CRPPA: variants seen among roughly 807,000 people sequenced by gnomAD.
The protein encoded by CRPPA is D-ribitol-5-phosphate cytidylyltransferase.
In CRPPA, 43 loss-of-function variants were observed where a neutral mutation model predicts 52.0. The ratio of observed to expected loss-of-function variants is 0.83; its 90% CI spans 0.65 to 1.07. CRPPA has a LOEUF of 1.07. Among genes scored for constraint, CRPPA ranks in the 50% least tolerant of loss-of-function variants. The pLI is 0.00. For missense variants in CRPPA, 629 were observed against 551.7 expected (o/e 1.14, Z -1.40); for synonymous variants, 250 against 203.5 (o/e 1.23, Z -1.94).
At chr7:16,118,598 A>G (rs1419216025) in intron 9 of CRPPA, among the ~76,000 whole-genome samples, 1 of 152,208 alleles carries the variant, frequency 6.6e-6, no homozygotes, top group Non-Finnish European at 1.5e-5. Flanking sequence ...CTGTGAATCA[A>G]TAAAATGTTG....
At chr7:16,311,778 G>C (rs1761892391) in intron 3 of CRPPA, among the ~76,000 whole-genome samples, 1 of 152,090 alleles carries the variant, frequency 6.6e-6, no homozygotes, top group Non-Finnish European at 1.5e-5. Context: ...TCCATTTTGA[G>C]TTAATGGTTG....
intron 9 of CRPPA, among the ~76,000 whole-genome samples, chr7:16,154,785 A>G (rs1285303108): frequency 1.3e-5 from 2 of 151,056 alleles, no homozygotes; most frequent in Admixed American, 1.3e-4. Flanking sequence ...AGTTTGACAA[A>G]TATCGTCAAT....
intron 3 of CRPPA, among the ~76,000 whole-genome samples, chr7:16,374,630 A>G (rs917221416): frequency 1.3e-5 from 2 of 152,134 alleles, no homozygotes; most frequent in Non-Finnish European, 2.9e-5. Context: ...CACATCTACC[A>G]GTCTATCTGC....
Position 16,335,522 on chromosome 7 carries a change from A to G in CRPPA, c.685-26895T>C, listed in dbSNP as rs1010693450. On this transcript the variant is annotated intron_variant, in intron 3 of 9. Coordinates refer to ENST00000407010, the MANE Select transcript of CRPPA (RefSeq NM_001101426.4). ...CCGAAAAATTTGTTAGAAAGCTTCA[A>G]CAGCAGACATGATCAAACAAAAGAA... is the stretch of plus-strand genomic sequence containing the variant. Among the ~76,000 whole-genome samples, 10 of 152,344 alleles carry G rather than the reference A, an allele frequency of 6.6e-5. No homozygotes were observed. The Middle Eastern group carries it at 0.014, about 207-fold the overall frequency.
intron 3 of CRPPA, among the ~76,000 whole-genome samples, chr7:16,322,084 C>A (rs921093160): frequency 1.3e-4 from 20 of 152,200 alleles, no homozygotes; most frequent in African/African-American, 4.8e-4. Flanking sequence ...ATAATACATT[C>A]CTGATTTTAA....
At chr7:16,205,436 T>G (rs1781953880) in intron 9 of CRPPA, among the ~76,000 whole-genome samples, 1 of 152,198 alleles carries the variant, frequency 6.6e-6, no homozygotes, top group African/African-American at 2.4e-5. Flanking sequence ...GGTCACTTGT[T>G]AAAAATTACA....
At position 16,286,097 on chromosome 7, in the gene CRPPA, A is replaced by AAT. The variant is rs71007759; in HGVS notation, c.836-7873_836-7872dup. Among the ~76,000 whole-genome samples the AAT allele has an allele frequency of 8.1e-3, 315 of 39,106 alleles. 27 individuals are homozygous for AAT. Among genetic ancestry groups the AAT allele is most frequent in the Middle Eastern group, 0.029 (1 of 34 alleles). The allele number at this position is 39,106 out of a possible 152,430, so 25.7% of individuals were successfully genotyped here. On this transcript the variant is annotated intron_variant, in intron 5 of 9. Transcript: ENST00000407010. ...TATATATATAATATTTAAAAAAAAA[A>AAT]ATATATATATATATATATATGCCAA...
intron 1 of CRPPA, among the ~76,000 whole-genome samples, chr7:16,416,177 C>T (rs1788186150): frequency 6.6e-6 from 1 of 152,116 alleles, no homozygotes; most frequent in South Asian, 2.1e-4. Flanking sequence ...GTAACCCAAA[C>T]AGCACAGTAT....
Position 16,421,411 on chromosome 7 carries a change from GGCAGACCACGGAGAGGGACGCAGA to G in CRPPA, c.-113_-90del. 1.7e-6 allele frequency: 2 copies of G among 1,172,394 alleles called. No homozygotes were observed. Among genetic ancestry groups the G allele is most frequent in the Non-Finnish European group, 2.1e-6 (2 of 940,564 alleles). The allele number at this position is 1,172,394 out of a possible 1,614,324, so 72.6% of individuals were successfully genotyped here. On this transcript the variant is annotated 5_prime_UTR_variant, in exon 1 of 10. Transcript: ENST00000407010. ...CCTCGGCCGGGGTCGCGGGGCGAAG[GGCAGACCACGGAGAGGGACGCAGA>G]GCGCGCAAGCAGAAGGCGCCCCCCT...
intron 2 of CRPPA, among the ~76,000 whole-genome samples, chr7:16,386,534 C>T (rs1451102673): frequency 6.6e-6 from 1 of 152,056 alleles, no homozygotes; most frequent in Admixed American, 6.6e-5. Flanking sequence ...TTATATTGAA[C>T]AATAGATACA....
intron 3 of CRPPA, among the ~76,000 whole-genome samples, chr7:16,342,782 A>AAAAAAAAATATATATAT (rs1554335212): frequency 1.3e-5 from 1 of 76,542 alleles, no homozygotes; most frequent in Non-Finnish European, 2.8e-5. Context: ...AAAAAAAAAA[A>AAAAAAAAATATATATAT]ATATATATAT....
At chr7:16,155,282 A>T (rs1244508345) in intron 9 of CRPPA, among the ~76,000 whole-genome samples, 1 of 152,184 alleles carries the variant, frequency 6.6e-6, no homozygotes, top group African/African-American at 2.4e-5. Flanking sequence ...TCTGCATATC[A>T]TATTCCCCCA....
At chr7:16,305,000 T>G (rs1041755404) in intron 4 of CRPPA, among the ~76,000 whole-genome samples, 1 of 152,214 alleles carries the variant, frequency 6.6e-6, no homozygotes, top group African/African-American at 2.4e-5. Flanking sequence ...CAGATACATT[T>G]TTTTTTAAAA....
At chr7:16,337,170 A>G (rs1265676619) in intron 3 of CRPPA, among the ~76,000 whole-genome samples, 6 of 152,132 alleles carry the variant, frequency 3.9e-5, no homozygotes, top group African/African-American at 7.2e-5. Flanking sequence ...GGCAGAATAC[A>G]TTCCTCTCAA....
At chr7:16,379,185 G>A (rs1282045282) in intron 2 of CRPPA, among the ~76,000 whole-genome samples, 1 of 152,190 alleles carries the variant, frequency 6.6e-6, no homozygotes, top group Non-Finnish European at 1.5e-5. Flanking sequence ...TCTTGCCCAT[G>A]CCTATGTCCT....
chr7:16,280,802 T>C (rs1030761006), intron 5 of CRPPA, among the ~76,000 whole-genome samples: 12 of 152,092 alleles, frequency 7.9e-5, no homozygotes, highest in African/African-American at 2.9e-4. Context: ...GGAAGATCAC[T>C]TGAGGTCAGG....
intron 3 of CRPPA, among the ~76,000 whole-genome samples, chr7:16,365,792 T>C (rs982325053): frequency 6.6e-6 from 1 of 152,160 alleles, no homozygotes; most frequent in Non-Finnish European, 1.5e-5. Context: ...TATATTAATG[T>C]ATTAAAGACA....
chr7:16,235,818 A>G (rs993201200), intron 8 of CRPPA: 4 of 152,128 alleles, frequency 2.6e-5, no homozygotes, highest in African/African-American at 4.8e-5. Context: ...GGCATTACTC[A>G]TGAACATTAT....
At chr7:16,193,404 G>C (rs1415994717) in intron 9 of CRPPA, among the ~76,000 whole-genome samples, 1 of 151,808 alleles carries the variant, frequency 6.6e-6, no homozygotes, top group African/African-American at 2.4e-5. Context: ...TTAACTATGG[G>C]ACTTTTTCAT....
Sources: gnomAD v4.1 joint callset for allele counts (sites outside exome capture counted in the v4.1 genomes callset) on GRCh38, gnomAD v4.1.1 for gene constraint, MANE v1.5 for transcripts, NCBI Gene and HGNC (gene_info 2026-07-23, HGNC 2026-07-21) for gene names.